Variants in CUBN observed in about 807,000 individuals in gnomAD.
CUBN encodes 460 kDa receptor.
Under a neutral mutation model 405.3 loss-of-function variants are expected in CUBN, and 282 were observed. That is an observed-to-expected ratio of 0.70 (90% CI 0.63 to 0.77). The LOEUF is 0.77. Ranked by LOEUF, CUBN falls within the 30% of genes least tolerant of loss-of-function variation. The probability of loss-of-function intolerance (pLI) is 0.00; values close to 1 mark genes in which losing one functional copy is unlikely to be tolerated. For missense variants in CUBN, 4,514 were observed against 4,475.2 expected, an observed-to-expected ratio of 1.01 and a Z score of -0.25; for synonymous variants, 1,684 against 1,617.0, an observed-to-expected ratio of 1.04 and a Z score of -0.99.
At chr10:16,900,560 C>G in intron 53 of CUBN, 65 bp downstream of exon 53, 1 of 1,211,476 alleles carries the variant, frequency 8.3e-7, no homozygotes, top group East Asian at 2.3e-5. Context: ...ACAAAATGTA[C>G]ATATTATGAG....
rs574213505 is a variant in CUBN, at chr10:16,836,329, T to C, written c.10086A>G (p.Pro3362=). ...QFCGRNASAV[P]VFYSSMSTAM... ...CAGTACTCATAGAAGAATAAAACAC[T>C]GGCACAGCCGAAGCATTTCTGCCAC... is the stretch of plus-strand genomic sequence containing the variant. The change falls in exon 63 of 67, where the codon CCA becomes CCG. Residue 3362 remains proline, a synonymous_variant. Transcript: ENST00000377833. 3 of 1,613,934 alleles carry C rather than the reference T, an allele frequency of 1.9e-6. No individual in the cohort carries two copies. Among genetic ancestry groups the C allele is most frequent in the African/African-American group, 2.7e-5 (2 of 75,060 alleles).
At chr10:17,124,482 G>A (rs1309163000) in intron 4 of CUBN, among the ~76,000 whole-genome samples, 1 of 150,904 alleles carries the variant, frequency 6.6e-6, no homozygotes, top group East Asian at 1.9e-4. Context: ...AGGCTGGAGT[G>A]CAGTGGCGCG....
At chr10:16,997,865 T>A (rs1351223821) in intron 28 of CUBN, among the ~76,000 whole-genome samples, 2 of 152,058 alleles carry the variant, frequency 1.3e-5, no homozygotes, top group African/African-American at 4.8e-5. Flanking sequence ...GGGTCACTAG[T>A]CCTCTCTGAA....
rs1837236562 is a variant in CUBN, at chr10:17,127,904, A to G, written c.273T>C (p.Asp91=). The change falls in exon 3 of 67, where the codon GAT becomes GAC. Residue 91 remains aspartate (D), a synonymous_variant. Transcript: ENST00000377833. ...CLHQIQKNKE[D]IIELKGSAIG... is the part of the protein sequence containing the mutation. ...TTGCACTCCCTTTTAACTCTATAAT[A>G]TCTTCTTTGTTTTTCTGGATCTAAT... The G allele has an allele frequency of 6.2e-7, 1 of 1,607,000 alleles. No individual in the cohort carries two copies. The highest frequency in any genetic ancestry group is 1.1e-5 in the South Asian group (1 of 90,520).
intron 60 of CUBN, among the ~76,000 whole-genome samples, chr10:16,850,294 C>T (rs572881677): frequency 6.6e-6 from 1 of 152,108 alleles, no homozygotes; most frequent in South Asian, 2.1e-4. Flanking sequence ...GACTTAAGCT[C>T]CTCATAAATA....
intron 41 of CUBN, among the ~76,000 whole-genome samples, chr10:16,926,015 G>T (rs531273990): frequency 1.3e-4 from 20 of 152,242 alleles, no homozygotes; most frequent in Non-Finnish European, 2.4e-4. Context: ...CAAATTACCT[G>T]CTTTCATAAA....
chr10:16,899,471 G>A (rs1841293757), intron 53 of CUBN, among the ~76,000 whole-genome samples: 1 of 152,108 alleles, frequency 6.6e-6, no homozygotes, highest in Non-Finnish European at 1.5e-5. Context: ...CTCCAAACAA[G>A]AGCTGTATTT....
chr10:16,847,610 T>C (rs1470331029), intron 60 of CUBN, among the ~76,000 whole-genome samples: 1 of 152,264 alleles, frequency 6.6e-6, no homozygotes, highest in Non-Finnish European at 1.5e-5. Flanking sequence ...GAGATGTCTT[T>C]AACTCTCTAC....
chr10:16,895,466 A>G (rs1313398596), intron 54 of CUBN, among the ~76,000 whole-genome samples: 1 of 152,156 alleles, frequency 6.6e-6, no homozygotes, highest in African/African-American at 2.4e-5. Context: ...TAGTTGTTCT[A>G]TCAATTACTG....
chr10:16,852,766 C>A lies in CUBN; in HGVS notation c.9455-1323G>T, dbSNP rs983247064. Among the ~76,000 whole-genome samples the A allele has an allele frequency of 2.0e-5, 3 of 152,202 alleles. No individual in the cohort carries two copies. In the East Asian group the frequency reaches 5.8e-4, roughly 29 times the overall value. On this transcript the variant is annotated intron_variant, in intron 59 of 66. Coordinates refer to ENST00000377833, the MANE Select transcript of CUBN (RefSeq NM_001081.4). ...GCATATGTTTTACTTTTATGTTCCG[C>A]TTTCATGAACACTGTCAGACTGAAA...
At chr10:16,847,587 T>C (rs370021467) in intron 60 of CUBN, among the ~76,000 whole-genome samples, 1 of 152,258 alleles carries the variant, frequency 6.6e-6, no homozygotes, top group African/African-American at 2.4e-5. Context: ...CTCAAGAAGC[T>C]TGAACTCTTC....
chr10:17,041,349 T>C lies in CUBN; in HGVS notation c.3830-129A>G, dbSNP rs1835015211. 13 of 725,044 alleles carry C rather than the reference T, an allele frequency of 1.8e-5. No individual in the cohort carries two copies. The South Asian group carries it at 2.0e-4, about 11-fold the overall frequency. The allele number at this position is 725,044 out of a possible 1,614,324, so 44.9% of individuals were successfully genotyped here. The stretch of plus-strand genomic sequence containing the variant: ...TACACACACACATATATGATGTGTA[T>C]ATATGTGTGTGTATATATACACACA... On this transcript the variant is annotated intron_variant, in intron 26 of 66. Transcript: ENST00000377833.
intron 66 of CUBN, 58 bp downstream of exon 66, chr10:16,828,747 G>A: frequency 2.3e-6 from 3 of 1,317,374 alleles, no homozygotes; most frequent in South Asian, 1.2e-5. Context: ...TCTACACTAA[G>A]TGACTCATTA....
At chr10:16,847,190 T>C (rs1291474077) in intron 60 of CUBN, among the ~76,000 whole-genome samples, 2 of 152,130 alleles carry the variant, frequency 1.3e-5, no homozygotes, top group African/African-American at 2.4e-5. Flanking sequence ...TGGTGGCTCA[T>C]GCCTGTAATC....
intron 24 of CUBN, among the ~76,000 whole-genome samples, chr10:17,045,570 T>G (rs996374701): frequency 3.3e-5 from 5 of 151,772 alleles, no homozygotes; most frequent in African/African-American, 1.2e-4. Context: ...GTAGAGACTA[T>G]GTTTAGTAGA....
At chr10:16,930,308 G>C (rs1276722) in intron 40 of CUBN, among the ~76,000 whole-genome samples, 127,042 of 152,232 alleles carry the variant, frequency 0.83, 53,204 homozygotes, top group East Asian at 0.98. Context: ...CTGATTTTAT[G>C]TTCACAGTGA....
intron 10 of CUBN, among the ~76,000 whole-genome samples, chr10:17,109,268 T>C (rs1354946728): frequency 2.6e-5 from 4 of 152,192 alleles, no homozygotes; most frequent in Admixed American, 6.5e-5. Flanking sequence ...GCCTGAAATA[T>C]AGAGTGTACT....
chr10:16,935,883 AAAAAAAAAAAAAAG>A, intron 39 of CUBN, among the ~76,000 whole-genome samples: 1 of 150,502 alleles, frequency 6.6e-6, no homozygotes, highest in Non-Finnish European at 1.5e-5. Context: ...CCATCTCAAA[AAAAAAAAAAAAAAG>A]AAAAAAAAAA....
intron 31 of CUBN, among the ~76,000 whole-genome samples, chr10:16,975,782 C>T (rs1376995134): frequency 6.6e-6 from 1 of 151,556 alleles, no homozygotes; most frequent in Admixed American, 6.6e-5. Context: ...AAGCACACAC[C>T]ACCACACCCA....
Sources: gnomAD v4.1 joint callset for allele counts (sites outside exome capture counted in the v4.1 genomes callset) on GRCh38, gnomAD v4.1.1 for gene constraint, MANE v1.5 for transcripts, NCBI Gene and HGNC (gene_info 2026-07-23, HGNC 2026-07-21) for gene names.